FRMD3: variants seen among roughly 807,000 people sequenced by gnomAD.
FRMD3 encodes the protein FERM domain containing 3, also known as FERM domain-containing protein 3.
Under a neutral mutation model 70.2 loss-of-function variants are expected in FRMD3, and 33 were observed. The observed-to-expected ratio is 0.47, with a 90% confidence interval of 0.36 to 0.63. FRMD3 has a LOEUF of 0.63. Among genes scored for constraint, FRMD3 ranks in the 20% least tolerant of loss-of-function variants. The probability of loss-of-function intolerance (pLI) is 0.00; values close to 1 mark genes in which losing one functional copy is unlikely to be tolerated. For missense variants in FRMD3, 632 were observed against 711.4 expected (o/e 0.89, Z 1.27); for synonymous variants, 279 against 255.9 (o/e 1.09, Z -0.86).
intron 13 of FRMD3, among the ~76,000 whole-genome samples, chr9:83,251,738 C>A (rs1380685680): frequency 6.6e-6 from 1 of 152,132 alleles, no homozygotes; most frequent in Non-Finnish European, 1.5e-5. Context: ...GTATCAGTAG[C>A]AGAATAGACC....
At chr9:83,536,324 A>G (rs926961359) in intron 1 of FRMD3, among the ~76,000 whole-genome samples, 1 of 152,184 alleles carries the variant, frequency 6.6e-6, no homozygotes, top group East Asian at 1.9e-4. Context: ...AATATTTATT[A>G]TTCTAAGGAA....
At chr9:83,539,310 G>A (rs1829968901), upstream of FRMD3, among the ~76,000 whole-genome samples, 2 of 152,332 alleles carry the variant, frequency 1.3e-5, no homozygotes, top group Non-Finnish European at 1.5e-5. Context: ...TTGTCCCCAA[G>A]GTGGCTAGAG....
chr9:83,440,963 C>T (rs1827276141), intron 1 of FRMD3, among the ~76,000 whole-genome samples: 1 of 152,192 alleles, frequency 6.6e-6, no homozygotes, highest in Non-Finnish European at 1.5e-5. Flanking sequence ...GGCCATGAGA[C>T]TTGTTTCGGC....
At chr9:83,333,820 A>G (rs979952773) in intron 6 of FRMD3, among the ~76,000 whole-genome samples, 11 of 152,140 alleles carry the variant, frequency 7.2e-5, no homozygotes, top group African/African-American at 9.7e-5. Flanking sequence ...TCCTGACTCC[A>G]CTATTTACAA....
At chr9:83,465,460 C>T (rs972376896) in intron 1 of FRMD3, among the ~76,000 whole-genome samples, 2 of 152,118 alleles carry the variant, frequency 1.3e-5, no homozygotes, top group Non-Finnish European at 2.9e-5. Context: ...AACTCCAGTC[C>T]CCCTTCTTTC....
chr9:83,338,389 C>T (rs76421780), intron 5 of FRMD3, among the ~76,000 whole-genome samples: 6 of 151,996 alleles, frequency 3.9e-5, no homozygotes, highest in Non-Finnish European at 5.9e-5. Flanking sequence ...CCTAGAAAAA[C>T]TCTAGGTGCA....
chr9:83,307,294 C>G (rs1337954969), intron 10 of FRMD3, among the ~76,000 whole-genome samples: 1 of 152,132 alleles, frequency 6.6e-6, no homozygotes, highest in African/African-American at 2.4e-5. Flanking sequence ...ATAGAGTTAC[C>G]CTATGACCCA....
chr9:83,373,419 T>G (rs1476778431), intron 2 of FRMD3, among the ~76,000 whole-genome samples: 1 of 152,202 alleles, frequency 6.6e-6, no homozygotes, highest in Non-Finnish European at 1.5e-5. Context: ...CAAGCCAGCA[T>G]TAGCCCTATC....
In FRMD3 at chr9:83,245,729, T is replaced by G; in HGVS notation, c.*2189A>C. The G allele has an allele frequency of 9.1e-6, 9 of 984,294 alleles. No homozygotes were observed. Among genetic ancestry groups the G allele is most frequent in the Non-Finnish European group, 9.6e-6 (8 of 829,016 alleles). The allele number at this position is 984,294 out of a possible 1,614,324, so 61.0% of individuals were successfully genotyped here. A position where few individuals can be genotyped will look rare whatever the true frequency, so the allele number is the denominator to read the frequency against. ...GTCATAGTCAGAACTTTAGAGAAAA[T>G]TATATGACGCATGATCAGAAGGGGA... On this transcript the variant is annotated 3_prime_UTR_variant, in exon 14 of 14. Coordinates refer to ENST00000304195, the MANE Select transcript of FRMD3 (RefSeq NM_174938.6).
chr9:83,532,773 G>A (rs1392283224), intron 1 of FRMD3, among the ~76,000 whole-genome samples: 1 of 150,538 alleles, frequency 6.6e-6, no homozygotes, highest in Non-Finnish European at 1.5e-5. Context: ...CCAGGCCAAT[G>A]GAATCTGATG....
intron 1 of FRMD3, among the ~76,000 whole-genome samples, chr9:83,508,321 T>C (rs969675174): frequency 2.6e-5 from 4 of 152,188 alleles, no homozygotes; most frequent in African/African-American, 9.7e-5. Flanking sequence ...GCATGCTGTG[T>C]TTCTGGAGCT....
rs566569726 is a variant in FRMD3, at chr9:83,462,456, C to T, written c.148-72748G>A. ...ATCTCAGGTCCAGTGGTTCTGATAC[C>T]TTTAGGGTCCCATGCTCTGTGGCAA... On this transcript the variant is annotated intron_variant, in intron 1 of 13. Transcript: ENST00000304195. 2.3e-3 allele frequency among the ~76,000 whole-genome samples: 350 copies of T among 152,260 alleles called. 1 individual carries two copies. Among genetic ancestry groups the T allele is most frequent in the Non-Finnish European group, 4.1e-3 (278 of 68,024 alleles).
At chr9:83,250,785 T>A (rs1228421459) in intron 13 of FRMD3, among the ~76,000 whole-genome samples, 1 of 152,174 alleles carries the variant, frequency 6.6e-6, no homozygotes, top group Non-Finnish European at 1.5e-5. Flanking sequence ...AATCCATTTC[T>A]CCTCACTGGA....
At chr9:83,426,683 G>A (rs1408733795) in intron 1 of FRMD3, among the ~76,000 whole-genome samples, 2 of 152,226 alleles carry the variant, frequency 1.3e-5, no homozygotes, top group African/African-American at 4.8e-5. Context: ...CGGTGTGAGA[G>A]GGATGGTTGC....
At position 83,356,271 on chromosome 9, in the gene FRMD3, A is replaced by ATTTTTTTTTTTTTTTTT. The variant is rs869149609; in HGVS notation, c.296-6531_296-6515dup. ...TGAGAGAGAAGCATCACTCAGCAGC[A>ATTTTTTTTTTTTTTTTT]TTTTTTTTTTTTTTTTTTTTTTTTG... On this transcript the variant is annotated intron_variant, in intron 3 of 13. Transcript: ENST00000304195. Among the ~76,000 whole-genome samples, 21 of 94,436 alleles carry ATTTTTTTTTTTTTTTTT rather than the reference A, an allele frequency of 2.2e-4. 3 individuals carry two copies. Among genetic ancestry groups the ATTTTTTTTTTTTTTTTT allele is most frequent in the African/African-American group, 9.7e-4 (21 of 21,632 alleles). 62.0% of individuals were successfully genotyped at this position (94,436 alleles called of 152,430 possible).
intron 1 of FRMD3, among the ~76,000 whole-genome samples, chr9:83,477,937 C>G (rs1263385008): frequency 6.6e-6 from 1 of 152,180 alleles, no homozygotes; most frequent in Non-Finnish European, 1.5e-5. Context: ...TGAAAAAAGG[C>G]AGCAGACTCT....
At position 83,536,930 on chromosome 9, in the gene FRMD3, T is replaced by TAAAAAAAAAAAAAAAAAAAAAAAA. The variant is rs142272516; in HGVS notation, c.147+1154_147+1155insTTTTTTTTTTTTTTTTTTTTTTTT. 2.8e-4 allele frequency among the ~76,000 whole-genome samples: 17 copies of TAAAAAAAAAAAAAAAAAAAAAAAA among 60,894 alleles called. 2 individuals carry two copies. The highest frequency in any genetic ancestry group is 5.2e-4 in the East Asian group (1 of 1,938). 39.9% of individuals were successfully genotyped at this position (60,894 alleles called of 152,430 possible). ...ATGGGTGGTGTGCCCTGTATTACAC[T>TAAAAAAAAAAAAAAAAAAAAAAAA]AAAAAAAAAAAAAAAAAAAAAAAGC... On this transcript the variant is annotated intron_variant, in intron 1 of 13. Transcript: ENST00000304195.
intron 1 of FRMD3, among the ~76,000 whole-genome samples, chr9:83,437,045 CA>C (rs1393545315): frequency 6.6e-6 from 1 of 152,094 alleles, no homozygotes; most frequent in Non-Finnish European, 1.5e-5. Context: ...ATGTAAAATC[CA>C]AAATTTGGAA....
Position 83,445,341 on chromosome 9 carries a change from AATAGATAG to A in FRMD3, c.148-55641_148-55634del, listed in dbSNP as rs56369819. ...AGAGCTAGACCCTATCTCAAAAATA[AATAGATAG>A]ATAGATAGATAGATAGATAGATAGA... On this transcript the variant is annotated intron_variant, in intron 1 of 13. Coordinates refer to ENST00000304195, the MANE Select transcript of FRMD3 (RefSeq NM_174938.6). 8.6e-4 allele frequency among the ~76,000 whole-genome samples: 126 copies of A among 146,660 alleles called. 1 individual carries two copies. Among genetic ancestry groups the A allele is most frequent in the Middle Eastern group, 3.4e-3 (1 of 292 alleles).
Sources: allele counts gnomAD v4.1 joint callset (sites outside exome capture counted in the v4.1 genomes callset), GRCh38; gene constraint gnomAD v4.1.1; transcripts MANE v1.5; gene names NCBI Gene and HGNC (gene_info 2026-07-23, HGNC 2026-07-21).